Variants in SLC25A18 observed in about 807,000 individuals in gnomAD.
SLC25A18 encodes mitochondrial glutamate carrier 2.
A neutral mutation model predicts 31.1 loss-of-function variants in SLC25A18; 24 were observed. That is an observed-to-expected ratio of 0.77 (90% CI 0.56 to 1.08). SLC25A18 has a LOEUF of 1.08. SLC25A18 is among the 50% of genes least tolerant of loss of function. The pLI is 0.00. For missense variants in SLC25A18, 371 were observed against 418.5 expected, an observed-to-expected ratio of 0.89 and a Z score of 0.99; for synonymous variants, 173 against 161.9, an observed-to-expected ratio of 1.07 and a Z score of -0.52.
Position 17,589,682 on chromosome 22 carries a change from C to T in SLC25A18, c.806+17C>T, listed in dbSNP as rs756243396. 1.9e-6 allele frequency: 3 copies of T among 1,613,130 alleles called. No homozygotes were observed. The highest frequency in any genetic ancestry group is 1.1e-5 in the South Asian group (1 of 91,052). ...CTGTGCCAGGTGAGAGCCAGTGTCC[C>T]CTCAAATGGTGGCTGGGACAGGTTC... On this transcript the variant is annotated intron_variant, in intron 10 of 10. Transcript: ENST00000327451.
chr22:17,581,136 T>C lies in SLC25A18; in HGVS notation c.120T>C (p.His40=). The C allele has an allele frequency of 6.3e-7, 1 of 1,597,744 alleles. No individual in the cohort carries two copies. Among genetic ancestry groups the C allele is most frequent in the African/African-American group, 1.3e-5 (1 of 74,844 alleles). ...DLAKTRLQNQ[H]GKAMYKGMID... is the part of the protein sequence containing the mutation. ...CCAAGACTCGCCTGCAGAACCAGCATGGGAAAGCCATGTACAAAGGAATGT... is the reference window on the plus strand; with the variant it reads ...CCAAGACTCGCCTGCAGAACCAGCACGGGAAAGCCATGTACAAAGGAATGT... Residue 40 remains histidine, a synonymous_variant, in exon 4 of 11, where the codon CAT becomes CAC. Coordinates refer to ENST00000327451, the MANE Select transcript of SLC25A18 (RefSeq NM_031481.3).
chr22:17,587,818 C>T, intron 8 of SLC25A18, 107 bp from the exon 9 acceptor site: 1 of 1,399,234 alleles, frequency 7.1e-7, no homozygotes, highest in Non-Finnish European at 9.9e-7. Flanking sequence ...GTCCCCGTGG[C>T]TCCTCTCACT....
chr22:17,572,832 G>C (rs1052086360), intron 2 of SLC25A18, among the ~76,000 whole-genome samples: 17 of 151,464 alleles, frequency 1.1e-4, no homozygotes, highest in Non-Finnish European at 1.6e-4. Context: ...TAGTAGAGAC[G>C]GGGTTTCACC....
At chr22:17,569,254 C>G (rs991200953) in intron 1 of SLC25A18, among the ~76,000 whole-genome samples, 2 of 151,006 alleles carry the variant, frequency 1.3e-5, no homozygotes, top group African/African-American at 4.9e-5. Flanking sequence ...GTGATCCGCC[C>G]GCCTCGGCCT....
At chr22:17,566,739 C>CGT (rs2056947718) in intron 1 of SLC25A18, among the ~76,000 whole-genome samples, 1 of 152,162 alleles carries the variant, frequency 6.6e-6, no homozygotes, top group Admixed American at 6.5e-5. Flanking sequence ...TTTTGCCTAG[C>CGT]TTACTGTGTA....
In SLC25A18 at chr22:17,590,377, C is replaced by T. The variant is rs116723413; in HGVS notation, c.*141C>T. 7 of 982,176 alleles carry T rather than the reference C, an allele frequency of 7.1e-6. No individual in the cohort carries two copies. The highest frequency in any genetic ancestry group is 1.6e-5 in the African/African-American group (1 of 61,720). 60.8% of individuals were successfully genotyped at this position (982,176 alleles called of 1,614,324 possible). A position where few individuals can be genotyped will look rare whatever the true frequency, so the allele number is the denominator to read the frequency against. The stretch of plus-strand genomic sequence containing the variant: ...AGTGCTACCTCAATCTCGGGAGAAA[C>T]AGCCCTATATTCTAACAAGTTGAGC... On this transcript the variant is annotated 3_prime_UTR_variant, in exon 11 of 11. Transcript: ENST00000327451.
At position 17,581,561 on chromosome 22, in the gene SLC25A18, CAG is replaced by C. The variant is rs1318623078; in HGVS notation, c.199+151_199+152del. 6.0e-6 allele frequency: 5 copies of C among 835,268 alleles called. No homozygotes were observed. In the Admixed American group the frequency reaches 1.0e-4, roughly 17 times the overall value. The allele number at this position is 835,268 out of a possible 1,614,324, so 51.7% of individuals were successfully genotyped here. ...GAGCCTCTGTGCTCTTGGGTGGAGA[CAG>C]AGGCAGCTCTGGGTCCTGGTAAGGC... On this transcript the variant is annotated intron_variant, in intron 5 of 10. Coordinates refer to ENST00000327451, the MANE Select transcript of SLC25A18 (RefSeq NM_031481.3).
At position 17,568,130 on chromosome 22, in the gene SLC25A18, T is replaced by C. The variant is rs1028166499; in HGVS notation, c.-263-1794T>C. Among the ~76,000 whole-genome samples, 5 of 151,974 alleles carry C rather than the reference T, an allele frequency of 3.3e-5. No individual in the cohort carries two copies. In the South Asian group the frequency reaches 6.2e-4, roughly 19 times the overall value. ...CTATAATCCCAGCACTTTGGGAGGC[T>C]GAGGCGGGCGGATCACGAGGTCAGG... On this transcript the variant is annotated intron_variant, in intron 1 of 10. Coordinates refer to ENST00000327451, the MANE Select transcript of SLC25A18 (RefSeq NM_031481.3).
In SLC25A18 at chr22:17,589,521, C is replaced by T. The variant is rs907032909; in HGVS notation, c.731-69C>T. 6.9e-6 allele frequency: 10 copies of T among 1,438,900 alleles called. No individual in the cohort carries two copies. The African/African-American group carries it at 9.8e-5, about 14-fold the overall frequency. The allele number at this position is 1,438,900 out of a possible 1,614,324, so 89.1% of individuals were successfully genotyped here. ...GGTGGCTCTACAGGAGGGCCCAGCC[C>T]CTTAGTGTTGAGGGGAGGACACCGA... On this transcript the variant is annotated intron_variant, in intron 9 of 10. Transcript: ENST00000327451.
intron 1 of SLC25A18, among the ~76,000 whole-genome samples, chr22:17,566,734 C>T (rs947990420): frequency 3.9e-5 from 6 of 152,238 alleles, no homozygotes; most frequent in African/African-American, 1.4e-4. Flanking sequence ...TTCTCTTTTG[C>T]CTAGCTTACT....
Position 17,572,933 on chromosome 22 carries a change from G to A in SLC25A18, c.-201+2947G>A, listed in dbSNP as rs979627075. On this transcript the variant is annotated intron_variant, in intron 2 of 10. Transcript: ENST00000327451. The stretch of plus-strand genomic sequence containing the variant: ...TGGGATTACAGGCATGAGCCATGGC[G>A]CCCAGCCCTCTACAAATAATTTTTT... 4.0e-4 allele frequency among the ~76,000 whole-genome samples: 61 copies of A among 152,064 alleles called. 3 individuals are homozygous for A. The highest frequency in any genetic ancestry group is 1.5e-5 in the Non-Finnish European group (1 of 68,026).
rs1188522245 is a variant in SLC25A18, at chr22:17,583,543, T to A, written c.409+9T>A. On this transcript the variant is annotated intron_variant, in intron 7 of 10. Coordinates refer to ENST00000327451, the MANE Select transcript of SLC25A18 (RefSeq NM_031481.3). ...GGATGCTGGACGCCTGGGTGAGGCC[T>A]GTCCCCACCTCCTATGGGAACAGTA... The A allele has an allele frequency of 1.2e-6, 2 of 1,612,830 alleles. No individual in the cohort carries two copies. Among genetic ancestry groups the A allele is most frequent in the East Asian group, 4.5e-5 (2 of 44,864 alleles).
At chr22:17,565,419 G>A (rs2056911288) in intron 1 of SLC25A18, among the ~76,000 whole-genome samples, 1 of 151,970 alleles carries the variant, frequency 6.6e-6, no homozygotes, top group Admixed American at 6.6e-5. Flanking sequence ...GTCTTGCCAA[G>A]TTGAAGTGCA....
intron 1 of SLC25A18, among the ~76,000 whole-genome samples, chr22:17,564,381 T>G (rs1296308332): frequency 1.3e-5 from 2 of 152,174 alleles, no homozygotes; most frequent in African/African-American, 2.4e-5. Context: ...GGCCTAGCTC[T>G]CTCTTGTAAC....
intron 8 of SLC25A18, 46 bp from the exon 9 acceptor site, chr22:17,587,879 C>A (rs774427443): frequency 6.2e-7 from 1 of 1,612,660 alleles, no homozygotes; most frequent in South Asian, 1.1e-5. Flanking sequence ...TGGGTGGCAG[C>A]CCCAGGGCAG....
rs59024396 is a variant in SLC25A18, at chr22:17,584,426, G to GAAAGAAAGAAA, written c.409+892_409+893insAAAGAAAGAAA. Among the ~76,000 whole-genome samples, 220 of 96,102 alleles carry GAAAGAAAGAAA rather than the reference G, an allele frequency of 2.3e-3. 2 individuals carry two copies. The highest frequency in any genetic ancestry group is 8.9e-3 in the African/African-American group (204 of 22,948). 63.0% of individuals were successfully genotyped at this position (96,102 alleles called of 152,430 possible). A position where few individuals can be genotyped will look rare whatever the true frequency, so the allele number is the denominator to read the frequency against. ...AAGAAAGAAAGAAAGAAAGAAAGAA[G>GAAAGAAAGAAA]GAAGGAAGGAAGGAAGGAAGGAGAG... On this transcript the variant is annotated intron_variant, in intron 7 of 10. Coordinates refer to ENST00000327451, the MANE Select transcript of SLC25A18 (RefSeq NM_031481.3).
chr22:17,569,708 G>C (rs2057037957), intron 1 of SLC25A18: 1 of 985,446 alleles, frequency 1.0e-6, no homozygotes, highest in Non-Finnish European at 1.2e-6. Flanking sequence ...CAAGTAAACA[G>C]CAACCTACTT....
intron 3 of SLC25A18, chr22:17,580,428 G>A: frequency 1.7e-6 from 1 of 595,012 alleles, no homozygotes; most frequent in Non-Finnish European, 2.1e-6. Context: ...AGCAGGGTGG[G>A]GGGCCATGTT....
rs1474451915 is a variant in SLC25A18 at position 17,569,986 on chromosome 22, GGTAA to G, written c.-201+3_-201+6del. The G allele has an allele frequency of 6.1e-6, 6 of 985,354 alleles. No individual in the cohort carries two copies. The highest frequency in any genetic ancestry group is 1.7e-5 in the African/African-American group (1 of 57,224). The allele number at this position is 985,354 out of a possible 1,614,324, so 61.0% of individuals were successfully genotyped here. A position where few individuals can be genotyped will look rare whatever the true frequency, so the allele number is the denominator to read the frequency against. On this transcript the variant is annotated splice_donor_variant and splice_donor_region_variant and intron_variant, in intron 2 of 10. Coordinates refer to ENST00000327451, the MANE Select transcript of SLC25A18 (RefSeq NM_031481.3). LOFTEE classifies it low-confidence loss of function (5UTR_SPLICE). ...AAGGCAGAGGTTCTTACCGAAAGCA[GGTAA>G]GTGTCTTGTCTGTCTGCATCAAGCT...
Sources: allele counts gnomAD v4.1 joint callset (sites outside exome capture counted in the v4.1 genomes callset), GRCh38; gene constraint gnomAD v4.1.1; transcripts MANE v1.5; gene names NCBI Gene and HGNC (gene_info 2026-07-23, HGNC 2026-07-21).